Variants in CTNNA3 observed in about 807,000 individuals in gnomAD.
CTNNA3 encodes catenin alpha 3.
Under a neutral mutation model 95.7 loss-of-function variants are expected in CTNNA3, and 76 were observed. That is an observed-to-expected ratio of 0.79 (90% CI 0.66 to 0.96). The LOEUF is 0.96. CTNNA3 is among the 40% of genes least tolerant of loss of function. The pLI, the probability that CTNNA3 is intolerant of heterozygous loss-of-function variation, is 0.00. For missense variants in CTNNA3, 1,191 were observed against 1,089.8 expected (o/e 1.09, Z -1.31); for synonymous variants, 431 against 374.4 (o/e 1.15, Z -1.74).
At chr10:67,124,582 C>G (rs111307457) in intron 7 of CTNNA3, among the ~76,000 whole-genome samples, 92 of 152,198 alleles carry the variant, frequency 6.0e-4, no homozygotes, top group African/African-American at 2.0e-3. Flanking sequence ...AAAGGAAGAT[C>G]TGCAGTCTAC....
chr10:67,681,540 T>A (rs550505309), intron 1 of CTNNA3, among the ~76,000 whole-genome samples: 63 of 152,194 alleles, frequency 4.1e-4, no homozygotes, highest in Non-Finnish European at 5.9e-4. Flanking sequence ...GTAGCAAGAA[T>A]TTTAAAGTTC....
chr10:66,829,589 G>T (rs1041536726), intron 7 of CTNNA3, among the ~76,000 whole-genome samples: 1 of 148,666 alleles, frequency 6.7e-6, no homozygotes, highest in Non-Finnish European at 1.5e-5. Flanking sequence ...CTTCAGCCTG[G>T]GTGATGGAGT....
chr10:67,292,225 T>C (rs1412244028), intron 5 of CTNNA3, among the ~76,000 whole-genome samples: 1 of 152,096 alleles, frequency 6.6e-6, no homozygotes, highest in African/African-American at 2.4e-5. Flanking sequence ...GTTTGAGTAA[T>C]ATTTTTAGGT....
At chr10:66,646,441 T>C (rs1812614803) in intron 9 of CTNNA3, among the ~76,000 whole-genome samples, 1 of 152,108 alleles carries the variant, frequency 6.6e-6, no homozygotes, top group Non-Finnish European at 1.5e-5. Context: ...TTTATTATAA[T>C]AGTGCTGACC....
chr10:66,416,539 ATT>A (rs35923793), intron 11 of CTNNA3, among the ~76,000 whole-genome samples: 11,403 of 132,376 alleles, frequency 0.086, 470 homozygotes, highest in East Asian at 0.12. Flanking sequence ...AAAATAGAGA[ATT>A]TTTTTTTTTA....
intron 7 of CTNNA3, chr10:67,097,504 G>A: frequency 8.1e-7 from 1 of 1,232,182 alleles, no homozygotes. Flanking sequence ...AGGTTAGTCA[G>A]GTCAGCACTT....
At chr10:67,465,844 TC>T (rs1397352561) in intron 5 of CTNNA3, among the ~76,000 whole-genome samples, 4 of 152,144 alleles carry the variant, frequency 2.6e-5, no homozygotes, top group African/African-American at 7.2e-5. Flanking sequence ...TTAGTTATTT[TC>T]CCCCACATCG....
intron 7 of CTNNA3, among the ~76,000 whole-genome samples, chr10:66,809,587 T>G (rs1001285178): frequency 6.6e-6 from 1 of 152,168 alleles, no homozygotes; most frequent in Non-Finnish European, 1.5e-5. Context: ...TTGCACAGCT[T>G]ATTCCATTTA....
At chr10:66,847,816 T>A (rs1317912008) in intron 7 of CTNNA3, among the ~76,000 whole-genome samples, 1 of 152,162 alleles carries the variant, frequency 6.6e-6, no homozygotes, top group Non-Finnish European at 1.5e-5. Flanking sequence ...AATAAAGCCA[T>A]TATGTCACAC....
In CTNNA3 at chr10:66,393,461, G is replaced by C. The variant is rs2132536552; in HGVS notation, c.1532-14109C>G. Among the ~76,000 whole-genome samples, 3 of 152,146 alleles carry C rather than the reference G, an allele frequency of 2.0e-5. No homozygotes were observed. In the South Asian group the frequency reaches 6.2e-4, roughly 32 times the overall value. ...TACATTCAGTGTCAAGTCCATTTTA[G>C]ACCTTAAATAAGCACTGTTCAGCTT... On this transcript the variant is annotated intron_variant, in intron 11 of 17. Transcript: ENST00000433211.
intron 13 of CTNNA3, among the ~76,000 whole-genome samples, chr10:66,258,027 G>A (rs1227352251): frequency 3.9e-5 from 6 of 152,044 alleles, no homozygotes; most frequent in African/African-American, 1.4e-4. Context: ...CCCAGGGAAT[G>A]GCAAAACACT....
At chr10:66,046,708 G>A (rs1395893029) in intron 15 of CTNNA3, among the ~76,000 whole-genome samples, 1 of 151,844 alleles carries the variant, frequency 6.6e-6, no homozygotes, top group African/African-American at 2.4e-5. Context: ...TAATAAGATA[G>A]ATAGGCTATT....
intron 11 of CTNNA3, among the ~76,000 whole-genome samples, chr10:66,462,884 TTTA>T (rs1378885773): frequency 6.6e-6 from 1 of 152,134 alleles, no homozygotes; most frequent in Non-Finnish European, 1.5e-5. Context: ...AAAAGTAACA[TTTA>T]TCTCCTATAA....
intron 3 of CTNNA3, among the ~76,000 whole-genome samples, chr10:67,559,299 A>C (rs947338885): frequency 3.6e-4 from 55 of 152,332 alleles, no homozygotes; most frequent in Non-Finnish European, 6.8e-4. Flanking sequence ...AAACTTCCAG[A>C]AGAATGATCA....
At chr10:66,026,800 A>G (rs1355866969) in intron 15 of CTNNA3, among the ~76,000 whole-genome samples, 2 of 152,192 alleles carry the variant, frequency 1.3e-5, no homozygotes, top group African/African-American at 4.8e-5. Flanking sequence ...ATAAATGAGA[A>G]GATAAATCAG....
chr10:66,975,997 C>A (rs886896489), intron 7 of CTNNA3, among the ~76,000 whole-genome samples: 3 of 152,138 alleles, frequency 2.0e-5, no homozygotes, highest in Non-Finnish European at 4.4e-5. Flanking sequence ...AGAGTTGATT[C>A]TTTTCTACCA....
chr10:67,699,104 TC>T (rs1841012657), upstream of CTNNA3, among the ~76,000 whole-genome samples: 2 of 152,148 alleles, frequency 1.3e-5, no homozygotes, highest in Non-Finnish European at 2.9e-5. Flanking sequence ...CCTCACCTTT[TC>T]AAGGACTCTG....
rs1447052225 is a variant in CTNNA3, at chr10:67,566,049, A to G, written c.293-26380T>C. ...CACACACATATGTGTGTGTGTATAT[A>G]TATATATATATATATATATATATAC... On this transcript the variant is annotated intron_variant, in intron 3 of 17. Coordinates refer to ENST00000433211, the MANE Select transcript of CTNNA3 (RefSeq NM_013266.4). Among the ~76,000 whole-genome samples, 740 of 78,534 alleles carry G rather than the reference A, an allele frequency of 9.4e-3. 106 individuals are homozygous for G. Among genetic ancestry groups the G allele is most frequent in the East Asian group, 0.068 (98 of 1,438 alleles). 51.5% of individuals were successfully genotyped at this position (78,534 alleles called of 152,430 possible).
chr10:66,274,314 C>G (rs1204938171), intron 13 of CTNNA3, among the ~76,000 whole-genome samples: 2 of 151,952 alleles, frequency 1.3e-5, no homozygotes, highest in Admixed American at 6.6e-5. Flanking sequence ...TTTTTTCAAC[C>G]ATTTAAAAAC....
Sources: gnomAD v4.1 joint callset for allele counts (sites outside exome capture counted in the v4.1 genomes callset) on GRCh38, gnomAD v4.1.1 for gene constraint, MANE v1.5 for transcripts, NCBI Gene and HGNC (gene_info 2026-07-23, HGNC 2026-07-21) for gene names.